The following PLCB1 variants were observed in gnomAD, a reference collection of about 807,000 sequenced individuals.
PLCB1 encodes phospholipase C beta 1, also known as 1-phosphatidylinositol 4,5-bisphosphate phosphodiesterase beta-1.
In PLCB1, 46 loss-of-function variants were observed where a neutral mutation model predicts 161.8. The observed-to-expected ratio is 0.28, with a 90% CI of 0.22 to 0.36. The LOEUF (loss-of-function observed/expected upper bound fraction) is 0.36. Among genes scored for constraint, PLCB1 ranks in the 10% least tolerant of loss-of-function variants. The pLI is 1.00. For missense variants in PLCB1, 1,016 were observed against 1,472.5 expected, an observed-to-expected ratio of 0.69 and a Z score of 5.07; for synonymous variants, 517 against 503.7, an observed-to-expected ratio of 1.03 and a Z score of -0.35.
At chr20:8,260,081 C>G (rs1368425996) in intron 2 of PLCB1, among the ~76,000 whole-genome samples, 1 of 151,382 alleles carries the variant, frequency 6.6e-6, no homozygotes, top group East Asian at 1.9e-4. Context: ...CTTTTCATTT[C>G]TTGTTTCTTT....
intron 19 of PLCB1, among the ~76,000 whole-genome samples, chr20:8,733,975 A>C (rs1568577584): frequency 1.4e-5 from 2 of 147,484 alleles, no homozygotes; most frequent in African/African-American, 4.9e-5. Context: ...ACAAAAAAAA[A>C]CAATTAGCCG....
intron 2 of PLCB1, among the ~76,000 whole-genome samples, chr20:8,348,758 G>T (rs907975081): frequency 6.6e-6 from 1 of 152,150 alleles, no homozygotes; most frequent in Non-Finnish European, 1.5e-5. Flanking sequence ...CACATTTACT[G>T]TGGTTATAAG....
chr20:8,362,354 C>G (rs897959584), intron 2 of PLCB1, among the ~76,000 whole-genome samples: 8 of 152,206 alleles, frequency 5.3e-5, no homozygotes, highest in East Asian at 1.9e-4. Flanking sequence ...TTTCATTCAT[C>G]ATTTGAAAGA....
At chr20:8,627,776 A>G (rs1191625696) in intron 3 of PLCB1, among the ~76,000 whole-genome samples, 3 of 152,242 alleles carry the variant, frequency 2.0e-5, no homozygotes, top group East Asian at 1.9e-4. Flanking sequence ...CAACATATGC[A>G]TGGCAGGCAC....
At chr20:8,803,066 T>G (rs1465495171) in intron 31 of PLCB1, among the ~76,000 whole-genome samples, 1 of 152,230 alleles carries the variant, frequency 6.6e-6, no homozygotes, top group Non-Finnish European at 1.5e-5. Context: ...TTTAAAAACA[T>G]GTCAAAGAAT....
intron 3 of PLCB1, among the ~76,000 whole-genome samples, chr20:8,466,710 G>A (rs964536059): frequency 6.6e-6 from 1 of 152,150 alleles, no homozygotes; most frequent in African/African-American, 2.4e-5. Context: ...TTGTTTGTAG[G>A]TTTGACTGAG....
rs141165868 is a variant in PLCB1 at position 8,780,010 on chromosome 20, A to G, written c.3111+5291A>G. Among the ~76,000 whole-genome samples, 66 of 152,324 alleles carry G rather than the reference A, an allele frequency of 4.3e-4. 1 individual carries two copies. The East Asian group carries it at 0.012, about 27-fold the overall frequency. Reference sequence around the variant, plus strand: ...TGCTTGTGCTCCATGATATCTCTCAATGAACAGCTTGGGGGTCTGTAAACC... The same window carrying G: ...TGCTTGTGCTCCATGATATCTCTCAGTGAACAGCTTGGGGGTCTGTAAACC... On this transcript the variant is annotated intron_variant, in intron 27 of 31. Coordinates refer to ENST00000338037, the MANE Select transcript of PLCB1 (RefSeq NM_015192.4).
At chr20:8,196,517 C>T (rs2052025291) in intron 2 of PLCB1, among the ~76,000 whole-genome samples, 1 of 151,770 alleles carries the variant, frequency 6.6e-6, no homozygotes, top group South Asian at 2.1e-4. Context: ...TGTAGGTGTT[C>T]TTACTAGCTG....
chr20:8,678,087 C>T (rs763638145), intron 9 of PLCB1, among the ~76,000 whole-genome samples: 68 of 151,968 alleles, frequency 4.5e-4, no homozygotes, highest in African/African-American at 1.3e-3. Flanking sequence ...TTTAGCTAAC[C>T]GGGGGATACT....
At chr20:8,858,912 CAAAAAAAA>C (rs11482207) in intron 31 of PLCB1, among the ~76,000 whole-genome samples, 1 of 111,564 alleles carries the variant, frequency 9.0e-6, no homozygotes, top group African/African-American at 3.4e-5. Flanking sequence ...TTTGAGTGTG[CAAAAAAAA>C]AAAAAAAAAA....
intron 2 of PLCB1, among the ~76,000 whole-genome samples, chr20:8,200,451 T>C (rs989194439): frequency 1.3e-5 from 2 of 152,058 alleles, no homozygotes. Flanking sequence ...TGTAACTAAC[T>C]TTATTAAGTC....
intron 9 of PLCB1, among the ~76,000 whole-genome samples, chr20:8,680,782 T>C (rs1990191203): frequency 6.6e-6 from 1 of 151,962 alleles, no homozygotes; most frequent in Non-Finnish European, 1.5e-5. Context: ...CTCACCAAAC[T>C]ATTGTTGTTT....
At chr20:8,617,500 T>C (rs540571251) in intron 3 of PLCB1, among the ~76,000 whole-genome samples, 2 of 152,244 alleles carry the variant, frequency 1.3e-5, no homozygotes, top group East Asian at 1.9e-4. Context: ...ATTGGCTATG[T>C]TGGGAGTATT....
chr20:8,805,703 C>G (rs766828267), intron 31 of PLCB1, among the ~76,000 whole-genome samples: 3 of 152,188 alleles, frequency 2.0e-5, no homozygotes, highest in Non-Finnish European at 2.9e-5. Flanking sequence ...ATGAACTTTA[C>G]TAAGGTCAGA....
intron 31 of PLCB1, among the ~76,000 whole-genome samples, chr20:8,867,516 G>A (rs940027465): frequency 3.9e-5 from 6 of 152,310 alleles, no homozygotes; most frequent in Admixed American, 6.5e-5. Flanking sequence ...CCTCTGAATG[G>A]CCTTTTATTT....
intron 3 of PLCB1, among the ~76,000 whole-genome samples, chr20:8,515,893 C>T (rs906096358): frequency 6.6e-6 from 1 of 152,050 alleles, no homozygotes; most frequent in African/African-American, 2.4e-5. Context: ...TAAAGACATA[C>T]CCAAGAATGG....
intron 31 of PLCB1, among the ~76,000 whole-genome samples, chr20:8,849,692 AT>A (rs1375330700): frequency 7.1e-6 from 1 of 140,796 alleles, no homozygotes; most frequent in East Asian, 2.4e-4. Flanking sequence ...ATAAAATTAA[AT>A]TAAAAATTAA....
chr20:8,145,943 G>A (rs552196948), intron 1 of PLCB1, among the ~76,000 whole-genome samples: 4 of 152,160 alleles, frequency 2.6e-5, no homozygotes, highest in South Asian at 2.1e-4. Flanking sequence ...CTCAGCAGTC[G>A]CATTTCAAGT....
chr20:8,662,728 A>T (rs910745730), intron 9 of PLCB1, among the ~76,000 whole-genome samples: 4 of 151,634 alleles, frequency 2.6e-5, no homozygotes, highest in Non-Finnish European at 5.9e-5. Flanking sequence ...TTACTGGGTG[A>T]GGCAGAAGAT....
Sources: allele counts gnomAD v4.1 joint callset (sites outside exome capture counted in the v4.1 genomes callset), GRCh38; gene constraint gnomAD v4.1.1; transcripts MANE v1.5; gene names NCBI Gene and HGNC (gene_info 2026-07-23, HGNC 2026-07-21).